CUX1: variants seen among roughly 807,000 people sequenced by gnomAD.
The protein encoded by CUX1 is cut like homeobox 1.
CUX1 carries 31 observed loss-of-function variants against 158.8 expected under a neutral mutation model. The ratio of observed to expected loss-of-function variants is 0.20; its 90% CI spans 0.15 to 0.26. The LOEUF (loss-of-function observed/expected upper bound fraction) is 0.26, where lower values mean the gene tolerates loss of function less well. Ranked by LOEUF, CUX1 falls within the 10% of genes least tolerant of loss-of-function variation. CUX1 has a pLI of 1.00. For synonymous variants in CUX1, 879 were observed against 862.1 expected, an observed-to-expected ratio of 1.02 and a Z score of -0.34; for missense variants, 1,589 against 2,014.6, an observed-to-expected ratio of 0.79 and a Z score of 4.04.
At chr7:101,907,705 C>T (rs962084871) in intron 1 of CUX1, among the ~76,000 whole-genome samples, 1 of 152,066 alleles carries the variant, frequency 6.6e-6, no homozygotes, top group Non-Finnish European at 1.5e-5. Flanking sequence ...ACAAGGTTCT[C>T]CTTTAAATGG....
At chr7:102,223,915 G>T (rs1798088138) in intron 20 of CUX1, among the ~76,000 whole-genome samples, 1 of 152,174 alleles carries the variant, frequency 6.6e-6, no homozygotes, top group African/African-American at 2.4e-5. Context: ...GTTGCAGTGA[G>T]ATCGTGCCAC....
At chr7:102,132,142 G>T (rs1487891027) in intron 8 of CUX1, among the ~76,000 whole-genome samples, 2 of 142,722 alleles carry the variant, frequency 1.4e-5, no homozygotes, top group Non-Finnish European at 3.0e-5. Flanking sequence ...AGATGGATGG[G>T]CGGGTGGATA....
At chr7:102,191,710 G>A (rs548152217) in intron 12 of CUX1, among the ~76,000 whole-genome samples, 20 of 152,072 alleles carry the variant, frequency 1.3e-4, no homozygotes, top group African/African-American at 2.9e-4. Flanking sequence ...TGTCGTCTTC[G>A]TTGTCTTCTT....
chr7:102,111,848 C>A, intron 7 of CUX1, 74 bp downstream of exon 7: 1 of 1,335,470 alleles, frequency 7.5e-7, no homozygotes, highest in Non-Finnish European at 1.1e-6. Context: ...CCCCTGACCG[C>A]CCCGGTCCCC....
chr7:102,275,215 C>A, intron 16 of CUX1: 1 of 1,530,948 alleles, frequency 6.5e-7, no homozygotes, highest in Non-Finnish European at 8.9e-7. Flanking sequence ...CACCTCCTGC[C>A]ACCCCCCAAG....
rs530433494 is a variant in CUX1 at position 101,991,189 on chromosome 7, G to A, written c.142-36909G>A. Among the ~76,000 whole-genome samples the A allele has an allele frequency of 5.3e-5, 8 of 152,060 alleles. No homozygotes were observed. The East Asian group carries it at 1.4e-3, about 26-fold the overall frequency. On this transcript the variant is annotated intron_variant, in intron 2 of 23. Transcript: ENST00000292535. ...CTAGTTTCACTTCTTTAAAAATACCGTAAAAAAGAAAAAGGCTGTCAAAAC... is the reference window on the plus strand; with the variant it reads ...CTAGTTTCACTTCTTTAAAAATACCATAAAAAAGAAAAAGGCTGTCAAAAC...
intron 1 of CUX1, among the ~76,000 whole-genome samples, chr7:101,904,662 G>A (rs1320879724): frequency 2.0e-5 from 3 of 150,778 alleles, no homozygotes; most frequent in African/African-American, 4.9e-5. Flanking sequence ...TCTGCCTCCC[G>A]GGTTCAAGCG....
intron 4 of CUX1, among the ~76,000 whole-genome samples, chr7:102,084,355 A>G (rs1409151821): frequency 6.7e-6 from 1 of 149,724 alleles, no homozygotes; most frequent in East Asian, 1.9e-4. Context: ...ATGCTCACCT[A>G]TTAGCTCTAG....
At chr7:102,274,132 C>T (rs1349280929) in intron 15 of CUX1, 2 of 1,045,586 alleles carry the variant, frequency 1.9e-6, no homozygotes, top group East Asian at 2.4e-5. Flanking sequence ...CCCGGATGGC[C>T]CCACCCACTC....
chr7:102,125,083 C>T (rs1447149936), intron 8 of CUX1, among the ~76,000 whole-genome samples: 1 of 152,116 alleles, frequency 6.6e-6, no homozygotes, highest in Non-Finnish European at 1.5e-5. Flanking sequence ...CGTCTGGCCC[C>T]ATTTTTTAAG....
rs782725130 is a variant in CUX1, at chr7:102,268,191, A to C, written c.1256-5175A>C. On this transcript the variant is annotated intron_variant, in intron 14 of 22. Transcript: ENST00000292538. ...CGCCTGTCATCCCTCTCTCCCCTAAACAAAATCTGTCCCTCTCTCCTGGGT... is the reference window on the plus strand; with the variant it reads ...CGCCTGTCATCCCTCTCTCCCCTAACCAAAATCTGTCCCTCTCTCCTGGGT... Among the ~76,000 whole-genome samples, 84 of 151,862 alleles carry C rather than the reference A, an allele frequency of 5.5e-4. 1 individual carries two copies. The highest frequency in any genetic ancestry group is 7.4e-5 in the Non-Finnish European group (5 of 67,954).
chr7:102,204,671 G>A (rs974494230), intron 19 of CUX1, 115 bp downstream of exon 19: 4 of 1,369,286 alleles, frequency 2.9e-6, no homozygotes, highest in Non-Finnish European at 4.0e-6. Context: ...CCAGGAGGTG[G>A]CCAACCACAC....
At chr7:102,012,621 T>G (rs183932194) in intron 2 of CUX1, among the ~76,000 whole-genome samples, 5 of 151,824 alleles carry the variant, frequency 3.3e-5, no homozygotes, top group East Asian at 1.9e-4. Flanking sequence ...TTGAAGGTAC[T>G]GCCCAGGGTC....
At chr7:102,052,747 A>G (rs985650207) in intron 3 of CUX1, among the ~76,000 whole-genome samples, 10 of 152,170 alleles carry the variant, frequency 6.6e-5, no homozygotes, top group African/African-American at 2.4e-4. Flanking sequence ...GTAATTTTAC[A>G]TTTCTGTCAG....
chr7:102,250,950 T>C lies in CUX1; in HGVS notation c.*1908T>C. On this transcript the variant is annotated 3_prime_UTR_variant, in exon 24 of 24. Transcript: ENST00000292535. ...TATTGCCATATCTTTAAACTAACAA[T>C]AGATGATTTCGGTATATATATATAT... 2.1e-6 allele frequency: 2 copies of C among 970,664 alleles called. No homozygotes were observed. Among genetic ancestry groups the C allele is most frequent in the Non-Finnish European group, 2.4e-6 (2 of 816,604 alleles). The allele number at this position is 970,664 out of a possible 1,614,324, so 60.1% of individuals were successfully genotyped here. A position where few individuals can be genotyped will look rare whatever the true frequency, so the allele number is the denominator to read the frequency against.
intron 23 of CUX1, among the ~76,000 whole-genome samples, chr7:102,245,036 A>ATTTTGG (rs1223047846): frequency 1.3e-5 from 2 of 151,914 alleles, no homozygotes; most frequent in African/African-American, 2.4e-5. Flanking sequence ...TTGTTTTCTG[A>ATTTTGG]TTTTGGTTTT....
intron 2 of CUX1, among the ~76,000 whole-genome samples, chr7:102,012,632 A>G (rs759314682): frequency 2.6e-4 from 40 of 151,002 alleles, no homozygotes; most frequent in Non-Finnish European, 5.0e-4. Flanking sequence ...GCCCAGGGTC[A>G]TGAAGAGATG....
chr7:102,240,411 A>G (rs561065381), intron 23 of CUX1, among the ~76,000 whole-genome samples: 33 of 152,022 alleles, frequency 2.2e-4, no homozygotes, highest in East Asian at 9.7e-4. Flanking sequence ...TAGGATGCCA[A>G]TGCACCACCA....
chr7:102,044,706 T>C (rs937617899), intron 3 of CUX1, among the ~76,000 whole-genome samples: 6 of 152,048 alleles, frequency 3.9e-5, no homozygotes, highest in African/African-American at 9.7e-5. Context: ...TGAGTACTTA[T>C]TGAGTGTGAT....
Sources: allele counts gnomAD v4.1 joint callset (sites outside exome capture counted in the v4.1 genomes callset), GRCh38; gene constraint gnomAD v4.1.1; transcripts MANE v1.5; gene names NCBI Gene and HGNC (gene_info 2026-07-23, HGNC 2026-07-21).